TBC1D32: variants seen among roughly 807,000 people sequenced by gnomAD.
TBC1D32 encodes protein broad-minded.
A neutral mutation model predicts 170.3 loss-of-function variants in TBC1D32; 151 were observed. That is an observed-to-expected ratio of 0.89 (90% CI 0.78 to 1.01). The LOEUF (loss-of-function observed/expected upper bound fraction) is 1.01, where lower values mean the gene tolerates loss of function less well. TBC1D32 is among the 50% of genes least tolerant of loss of function. TBC1D32 has a pLI of 0.00. For synonymous variants in TBC1D32, 498 were observed against 488.0 expected (o/e 1.02, Z -0.27); for missense variants, 1,464 against 1,457.1 (o/e 1.00, Z -0.08).
chr6:121,238,772 T>A (rs1796615266), intron 20 of TBC1D32, among the ~76,000 whole-genome samples: 1 of 151,152 alleles, frequency 6.6e-6, no homozygotes, highest in South Asian at 2.1e-4. Context: ...TTCCAATGAT[T>A]TTTTTTTTGT....
At chr6:121,306,545 G>A (rs780925862) in intron 5 of TBC1D32, among the ~76,000 whole-genome samples, 56 of 152,080 alleles carry the variant, frequency 3.7e-4, no homozygotes, top group Non-Finnish European at 1.9e-4. Flanking sequence ...TAAATTCTAT[G>A]CCAAACATCA....
At chr6:121,114,849 A>G (rs966133577) in intron 27 of TBC1D32, among the ~76,000 whole-genome samples, 1 of 152,188 alleles carries the variant, frequency 6.6e-6, no homozygotes, top group Admixed American at 6.5e-5. Context: ...CATGGAATTA[A>G]TCATATTCTA....
At chr6:121,137,163 A>G (rs1782185567) in intron 24 of TBC1D32, among the ~76,000 whole-genome samples, 3 of 152,136 alleles carry the variant, frequency 2.0e-5, no homozygotes, top group African/African-American at 7.2e-5. Context: ...ACTAAATAAG[A>G]AAGTAATTTA....
intron 22 of TBC1D32, among the ~76,000 whole-genome samples, chr6:121,195,511 A>T (rs1290049084): frequency 1.3e-5 from 2 of 152,168 alleles, no homozygotes; most frequent in African/African-American, 4.8e-5. Context: ...TTGACCCATT[A>T]GCCATAAAGT....
At chr6:121,237,634 CTG>C (rs1161423507) in intron 20 of TBC1D32, among the ~76,000 whole-genome samples, 1 of 151,782 alleles carries the variant, frequency 6.6e-6, no homozygotes, top group Non-Finnish European at 1.5e-5. Flanking sequence ...ATGTTTAAAT[CTG>C]TGAAGGCCAT....
At chr6:121,118,322 C>T (rs1020948294) in intron 26 of TBC1D32, among the ~76,000 whole-genome samples, 18 of 152,202 alleles carry the variant, frequency 1.2e-4, no homozygotes, top group Admixed American at 1.1e-3. Flanking sequence ...ATGCTAATGA[C>T]ATGTATAGCA....
At chr6:121,279,351 C>T in intron 14 of TBC1D32, 106 bp from the exon 15 acceptor site, 1 of 1,243,910 alleles carries the variant, frequency 8.0e-7, no homozygotes. Flanking sequence ...AGTTATATTA[C>T]AACAAAAAAC....
At chr6:121,296,616 CAT>C (rs1411324226) in intron 10 of TBC1D32, among the ~76,000 whole-genome samples, 1 of 151,968 alleles carries the variant, frequency 6.6e-6, no homozygotes, top group African/African-American at 2.4e-5. Flanking sequence ...ATTTTGAGTC[CAT>C]CCATTTATCC....
At chr6:121,106,227 A>C in intron 29 of TBC1D32, 64 bp from the exon 30 acceptor site, 1 of 1,022,360 alleles carries the variant, frequency 9.8e-7, no homozygotes, top group Non-Finnish European at 1.3e-6. Flanking sequence ...TAGATCATTT[A>C]AAATAATCCA....
At position 121,125,050 on chromosome 6, in the gene TBC1D32, G is replaced by A. The variant is rs1409706330; in HGVS notation, c.2983+1328C>T. ...TTCGGCATCTCATTTTGTCCATTTGGTGAGGTCGTATTTCCATGAATGTTC... is the reference window on the plus strand; with the variant it reads ...TTCGGCATCTCATTTTGTCCATTTGATGAGGTCGTATTTCCATGAATGTTC... On this transcript the variant is annotated intron_variant, in intron 26 of 31. Transcript: ENST00000398212. Among the ~76,000 whole-genome samples, 5 of 152,240 alleles carry A rather than the reference G, an allele frequency of 3.3e-5. No individual in the cohort carries two copies. In the East Asian group the frequency reaches 9.7e-4, roughly 29 times the overall value.
At chr6:121,103,515 A>G (rs181108342) in intron 30 of TBC1D32, among the ~76,000 whole-genome samples, 1 of 145,634 alleles carries the variant, frequency 6.9e-6, no homozygotes, top group Admixed American at 7.2e-5. Flanking sequence ...GTTCTCACTC[A>G]TAGGTGGGAA....
intron 3 of TBC1D32, among the ~76,000 whole-genome samples, chr6:121,312,591 A>G (rs1808372824): frequency 6.6e-6 from 1 of 152,108 alleles, no homozygotes; most frequent in South Asian, 2.1e-4. Flanking sequence ...GTCACAATCC[A>G]TGGTCCTAAG....
chr6:121,300,390 T>A (rs544822599), intron 9 of TBC1D32, among the ~76,000 whole-genome samples: 187 of 152,088 alleles, frequency 1.2e-3, no homozygotes, highest in African/African-American at 4.4e-3. Context: ...GATGTTGCAG[T>A]GAACCGAGAT....
chr6:121,124,606 G>T (rs918436590), intron 26 of TBC1D32, among the ~76,000 whole-genome samples: 2 of 151,826 alleles, frequency 1.3e-5, no homozygotes, highest in Non-Finnish European at 2.9e-5. Context: ...TATTTTTCCT[G>T]GAATAAACTT....
At chr6:121,249,638 G>A (rs189132349) in intron 17 of TBC1D32, among the ~76,000 whole-genome samples, 1 of 152,036 alleles carries the variant, frequency 6.6e-6, no homozygotes, top group African/African-American at 2.4e-5. Context: ...CAAAATCAAA[G>A]TACACAAATC....
At chr6:121,277,487 C>CAAA (rs755504493) in intron 15 of TBC1D32, among the ~76,000 whole-genome samples, 1,962 of 27,972 alleles carry the variant, frequency 0.07, 183 homozygotes, top group African/African-American at 0.13. Flanking sequence ...GACTCCATCT[C>CAAA]AAAAAAAAAA....
intron 29 of TBC1D32, 70 bp downstream of exon 29, chr6:121,112,435 G>A: frequency 7.5e-7 from 1 of 1,330,940 alleles, no homozygotes; most frequent in Non-Finnish European, 1.0e-6. Flanking sequence ...ATAAAATTAT[G>A]CCCCAGTGAA....
At chr6:121,290,925 C>G (rs578183057) in intron 12 of TBC1D32, among the ~76,000 whole-genome samples, 2 of 152,216 alleles carry the variant, frequency 1.3e-5, no homozygotes, top group African/African-American at 4.8e-5. Context: ...ACCACATGTT[C>G]TCACTCATAG....
intron 22 of TBC1D32, chr6:121,170,591 C>CT: frequency 2.4e-6 from 3 of 1,252,518 alleles, no homozygotes; most frequent in Non-Finnish European, 3.2e-6. Context: ...TAATTACATC[C>CT]TTGATGTCTC....
Sources: gnomAD v4.1 joint callset for allele counts (sites outside exome capture counted in the v4.1 genomes callset) on GRCh38, gnomAD v4.1.1 for gene constraint, MANE v1.5 for transcripts, NCBI Gene and HGNC (gene_info 2026-07-23, HGNC 2026-07-21) for gene names.